The following DIP2C variants were observed in gnomAD, a reference collection of about 807,000 sequenced individuals.
DIP2C encodes the protein disco-interacting protein 2 homolog C.
DIP2C carries 33 observed loss-of-function variants against 192.4 expected under a neutral mutation model. The ratio of observed to expected loss-of-function variants is 0.17; its 90% CI spans 0.13 to 0.23. DIP2C has a LOEUF of 0.23. Ranked by LOEUF, DIP2C falls within the 10% of genes least tolerant of loss-of-function variation. The pLI is 1.00. For missense variants in DIP2C, 1,537 were observed against 2,110.1 expected, an observed-to-expected ratio of 0.73 and a Z score of 5.32; for synonymous variants, 979 against 864.1, an observed-to-expected ratio of 1.13 and a Z score of -2.33.
At chr10:453,562 T>C (rs1426467535) in intron 3 of DIP2C, among the ~76,000 whole-genome samples, 2 of 152,198 alleles carry the variant, frequency 1.3e-5, no homozygotes, top group African/African-American at 4.8e-5. Context: ...CTGAAAGTGG[T>C]CAAGGATACT....
chr10:526,655 A>AT (rs1564819719), intron 1 of DIP2C, among the ~76,000 whole-genome samples: 2 of 152,148 alleles, frequency 1.3e-5, no homozygotes, highest in African/African-American at 4.8e-5. Flanking sequence ...TCAAATACAC[A>AT]TATGTTCTGG....
At chr10:588,685 G>GCAGC (rs1851230782) in intron 1 of DIP2C, among the ~76,000 whole-genome samples, 1 of 152,326 alleles carries the variant, frequency 6.6e-6, no homozygotes, top group Middle Eastern at 3.4e-3. Context: ...CGTGAGGCAG[G>GCAGC]CAGCCTTCGA....
chr10:584,663 CCG>C lies in DIP2C; in HGVS notation c.86-98135_86-98134del, dbSNP rs1209305130. On this transcript the variant is annotated intron_variant, in intron 1 of 36. Coordinates refer to ENST00000280886, the MANE Select transcript of DIP2C (RefSeq NM_014974.3). ...GCGCATCACCTCTCAATCTCGGGGC[CCG>C]CAACCTGACCCCCACTCACGCGCAT... is the stretch of plus-strand genomic sequence containing the variant. 3.2e-4 allele frequency among the ~76,000 whole-genome samples: 37 copies of C among 114,350 alleles called. 2 individuals are homozygous for C. Among genetic ancestry groups the C allele is most frequent in the African/African-American group, 1.2e-3 (31 of 26,614 alleles). 75.0% of individuals were successfully genotyped at this position (114,350 alleles called of 152,430 possible). A position where few individuals can be genotyped will look rare whatever the true frequency, so the allele number is the denominator to read the frequency against.
At chr10:458,160 G>A (rs530918974) in intron 3 of DIP2C, among the ~76,000 whole-genome samples, 2 of 152,294 alleles carry the variant, frequency 1.3e-5, no homozygotes, top group East Asian at 3.9e-4. Flanking sequence ...CACCTCCTCT[G>A]GGGACATCAC....
chr10:449,109 C>A (rs1169199946), intron 3 of DIP2C, among the ~76,000 whole-genome samples: 1 of 151,906 alleles, frequency 6.6e-6, no homozygotes, highest in African/African-American at 2.4e-5. Context: ...GGCAGCAGGA[C>A]CCACTCATCC....
intron 1 of DIP2C, among the ~76,000 whole-genome samples, chr10:593,449 G>A (rs1053196813): frequency 6.8e-4 from 102 of 149,034 alleles, no homozygotes; most frequent in Non-Finnish European, 6.4e-4. Context: ...CCCCACACCC[G>A]GGTCTGTGCA....
intron 3 of DIP2C, among the ~76,000 whole-genome samples, chr10:442,787 A>G (rs183502990): frequency 2.2e-4 from 33 of 152,378 alleles, no homozygotes; most frequent in Non-Finnish European, 3.8e-4. Context: ...CAGGAAATTT[A>G]GCTGTCATAT....
intron 32 of DIP2C, among the ~76,000 whole-genome samples, chr10:292,165 C>T (rs1370911962): frequency 2.0e-5 from 3 of 152,208 alleles, no homozygotes; most frequent in East Asian, 1.9e-4. Context: ...GCTCCAGATC[C>T]GGAACTTTGT....
At chr10:649,326 T>C (rs923040406) in intron 1 of DIP2C, among the ~76,000 whole-genome samples, 3 of 151,158 alleles carry the variant, frequency 2.0e-5, no homozygotes, top group South Asian at 2.1e-4. Context: ...CACGTCCACA[T>C]TGGATGGTGG....
intron 33 of DIP2C, among the ~76,000 whole-genome samples, 175 bp from the exon 34 acceptor site, chr10:286,522 TCACAGCCTC>T (rs1955142564): frequency 6.6e-6 from 1 of 151,788 alleles, no homozygotes; most frequent in African/African-American, 2.4e-5. Context: ...AGCCTCACAA[TCACAGCCTC>T]ACAATCACAT....
intron 29 of DIP2C, among the ~76,000 whole-genome samples, chr10:331,456 C>G (rs1957506055): frequency 6.6e-6 from 1 of 152,198 alleles, no homozygotes; most frequent in South Asian, 2.1e-4. Context: ...TTCCTCACCC[C>G]TGGCTTCAAC....
Position 277,194 on chromosome 10 carries a change from C to T in DIP2C, c.*131G>A, listed in dbSNP as rs921264021. The T allele has an allele frequency of 2.9e-6, 4 of 1,384,354 alleles. No homozygotes were observed. Among genetic ancestry groups the T allele is most frequent in the East Asian group, 4.7e-5 (2 of 42,990 alleles). 85.8% of individuals were successfully genotyped at this position (1,384,354 alleles called of 1,614,324 possible). A position where few individuals can be genotyped will look rare whatever the true frequency, so the allele number is the denominator to read the frequency against. On this transcript the variant is annotated 3_prime_UTR_variant, in exon 37 of 37. Transcript: ENST00000280886. ...TGCTGTGAGAAGTCCTCTTCCTCCT[C>T]CTCTTCCTCCTCCACTCTCACCACA...
At chr10:419,739 A>G (rs1274868157) in intron 5 of DIP2C, among the ~76,000 whole-genome samples, 1 of 152,168 alleles carries the variant, frequency 6.6e-6, no homozygotes, top group Non-Finnish European at 1.5e-5. Context: ...TTCTTCATAA[A>G]AGGGGGAGAC....
chr10:573,406 G>A (rs543180332), intron 1 of DIP2C, among the ~76,000 whole-genome samples: 2 of 152,074 alleles, frequency 1.3e-5, no homozygotes, highest in African/African-American at 2.4e-5. Flanking sequence ...TCACCCACAT[G>A]TTATTATCGT....
intron 4 of DIP2C, among the ~76,000 whole-genome samples, chr10:430,011 G>A (rs964018288): frequency 6.6e-6 from 1 of 152,294 alleles, no homozygotes; most frequent in Middle Eastern, 3.4e-3. Flanking sequence ...AGCAATGAAT[G>A]AGAGAGAATT....
rs574024588 is a variant in DIP2C at position 305,306 on chromosome 10, T to G, written c.3986+4725A>C. 2.0e-5 allele frequency among the ~76,000 whole-genome samples: 3 copies of G among 152,286 alleles called. No individual in the cohort carries two copies. In the South Asian group the frequency reaches 6.2e-4, roughly 32 times the overall value. On this transcript the variant is annotated intron_variant, in intron 32 of 36. Coordinates refer to ENST00000280886, the MANE Select transcript of DIP2C (RefSeq NM_014974.3). ...CACACACTTGCAAAACACACATGCA[T>G]GTATGCACAGCACACTCACACATGC...
At chr10:623,743 G>A (rs1449930782) in intron 1 of DIP2C, among the ~76,000 whole-genome samples, 12 of 121,526 alleles carry the variant, frequency 9.9e-5, no homozygotes, top group East Asian at 5.1e-4. Context: ...AGGGACGGAC[G>A]CAGGGCCAAG....
intron 17 of DIP2C, among the ~76,000 whole-genome samples, chr10:376,783 G>A (rs539465220): frequency 5.3e-5 from 8 of 152,202 alleles, no homozygotes; most frequent in South Asian, 4.2e-4. Flanking sequence ...TGGTAAAAAT[G>A]CCCTTTAAAG....
intron 17 of DIP2C, among the ~76,000 whole-genome samples, chr10:373,823 T>G (rs1054178904): frequency 6.6e-6 from 1 of 152,196 alleles, no homozygotes; most frequent in Non-Finnish European, 1.5e-5. Context: ...CCGTCACAGC[T>G]GTAAGATCAT....
Sources: gnomAD v4.1 joint callset for allele counts (sites outside exome capture counted in the v4.1 genomes callset) on GRCh38, gnomAD v4.1.1 for gene constraint, MANE v1.5 for transcripts, NCBI Gene and HGNC (gene_info 2026-07-23, HGNC 2026-07-21) for gene names.